The following NSG1 variants were observed in gnomAD, a reference collection of about 807,000 sequenced individuals.
NSG1 encodes neuronal vesicle trafficking associated 1.
Under a neutral mutation model 19.3 loss-of-function variants are expected in NSG1, and 9 were observed. That is an observed-to-expected ratio of 0.47 (90% CI 0.28 to 0.81). The LOEUF (loss-of-function observed/expected upper bound fraction) is 0.81, where lower values mean the gene tolerates loss of function less well. Among genes scored for constraint, NSG1 ranks in the 40% least tolerant of loss-of-function variants. The pLI is 0.11. For missense variants in NSG1, 236 were observed against 242.4 expected, an observed-to-expected ratio of 0.97 and a Z score of 0.18; for synonymous variants, 104 against 107.0, an observed-to-expected ratio of 0.97 and a Z score of 0.17.
chr4:4,402,061 T>C (rs1723576453), intron 3 of NSG1, among the ~76,000 whole-genome samples: 2 of 151,016 alleles, frequency 1.3e-5, no homozygotes, highest in African/African-American at 4.9e-5. Context: ...TTTTTTTTTT[T>C]TTTTTTTGGC....
At position 4,403,670 on chromosome 4, in the gene NSG1, C is replaced by T. The variant is rs1050771248; in HGVS notation, c.247-5903C>T. ...GAGTAGGACCTGGGTGTCTTTAGGG[C>T]CGTTATTCAGCCAACGACAGCCAGT... On this transcript the variant is annotated intron_variant, in intron 3 of 4. Coordinates refer to ENST00000621129, the MANE Select transcript of NSG1 (RefSeq NM_014392.5). Among the ~76,000 whole-genome samples, 3 of 152,164 alleles carry T rather than the reference C, an allele frequency of 2.0e-5. No individual in the cohort carries two copies. The East Asian group carries it at 5.8e-4, about 29-fold the overall frequency.
chr4:4,413,340 C>T (rs1049422554), intron 4 of NSG1, among the ~76,000 whole-genome samples: 7 of 151,646 alleles, frequency 4.6e-5, no homozygotes, highest in Admixed American at 2.6e-4. Context: ...AGGGAGCTTG[C>T]GGGTCTTGGG....
At chr4:4,403,077 G>A (rs1342774265) in intron 3 of NSG1, among the ~76,000 whole-genome samples, 2 of 152,230 alleles carry the variant, frequency 1.3e-5, no homozygotes, top group Non-Finnish European at 2.9e-5. Context: ...AGGAGATGGA[G>A]TATCTGCTGG....
At chr4:4,408,160 C>T (rs763605003) in intron 3 of NSG1, among the ~76,000 whole-genome samples, 1 of 152,134 alleles carries the variant, frequency 6.6e-6, no homozygotes, top group Non-Finnish European at 1.5e-5. Flanking sequence ...GGGCACTCTG[C>T]TGGAGGGTCT....
intron 3 of NSG1, among the ~76,000 whole-genome samples, chr4:4,408,823 C>T (rs1214819390): frequency 1.3e-5 from 2 of 152,182 alleles, no homozygotes; most frequent in Non-Finnish European, 2.9e-5. Flanking sequence ...TGAGTGCCTT[C>T]AAGGTCCAGG....
rs570543395 is a variant in NSG1, at chr4:4,412,505, G to A, written c.357+2822G>A. On this transcript the variant is annotated intron_variant, in intron 4 of 4. Coordinates refer to ENST00000621129, the MANE Select transcript of NSG1 (RefSeq NM_014392.5). ...CATCTAATGAGGGGGTGTCCTTTCC[G>A]GAGAAGGCACCTAGGAAGGCCAGGG... Among the ~76,000 whole-genome samples the A allele has an allele frequency of 1.2e-4, 18 of 151,928 alleles. No individual in the cohort carries two copies. The South Asian group carries it at 3.3e-3, about 28-fold the overall frequency.
intron 3 of NSG1, among the ~76,000 whole-genome samples, chr4:4,399,805 C>T (rs1477876067): frequency 6.6e-6 from 1 of 152,166 alleles, no homozygotes; most frequent in Non-Finnish European, 1.5e-5. Flanking sequence ...GCATTAGATC[C>T]TCATAAGGAG....
intron 3 of NSG1, among the ~76,000 whole-genome samples, chr4:4,398,842 T>G (rs188008677): frequency 9.8e-4 from 150 of 152,340 alleles, no homozygotes; most frequent in African/African-American, 3.4e-3. Context: ...AATTTGATAT[T>G]TAACGTATTG....
At chr4:4,398,846 C>T (rs922062303) in intron 3 of NSG1, among the ~76,000 whole-genome samples, 5 of 152,156 alleles carry the variant, frequency 3.3e-5, no homozygotes, top group African/African-American at 9.7e-5. Context: ...TGATATTTAA[C>T]GTATTGTGGA....
At chr4:4,413,349 G>C (rs1459225349) in intron 4 of NSG1, among the ~76,000 whole-genome samples, 2 of 151,638 alleles carry the variant, frequency 1.3e-5, no homozygotes, top group African/African-American at 4.8e-5. Context: ...GCGGGTCTTG[G>C]GGGAGTGTGC....
At chr4:4,416,231 TCC>T in intron 4 of NSG1, 5 of 701,816 alleles carry the variant, frequency 7.1e-6, no homozygotes, top group Admixed American at 2.0e-5. Context: ...CTCCAAAGCT[TCC>T]CTTCTCCTGT....
intron 3 of NSG1, among the ~76,000 whole-genome samples, chr4:4,406,147 C>T (rs1412636028): frequency 6.6e-6 from 1 of 152,180 alleles, no homozygotes; most frequent in Non-Finnish European, 1.5e-5. Flanking sequence ...CCTGCCTCAG[C>T]CTCCTGAGTA....
At chr4:4,395,642 C>A (rs1723214217) in intron 3 of NSG1, among the ~76,000 whole-genome samples, 2 of 152,056 alleles carry the variant, frequency 1.3e-5, no homozygotes, top group African/African-American at 4.8e-5. Context: ...GGCTTGTGTA[C>A]CCCCCTGCCA....
chr4:4,408,931 T>C (rs1724014859), intron 3 of NSG1, among the ~76,000 whole-genome samples: 2 of 152,236 alleles, frequency 1.3e-5, no homozygotes, highest in Admixed American at 1.3e-4. Flanking sequence ...AGTTCATCTG[T>C]AAACACCAGC....
chr4:4,390,848 G>A (rs570803621), intron 2 of NSG1, among the ~76,000 whole-genome samples: 21 of 152,070 alleles, frequency 1.4e-4, no homozygotes, highest in African/African-American at 4.8e-4. Context: ...TGGTTTCCAG[G>A]TTGGACAAAC....
chr4:4,396,745 C>T (rs1374292875), intron 3 of NSG1, among the ~76,000 whole-genome samples: 1 of 134,276 alleles, frequency 7.4e-6, no homozygotes, highest in East Asian at 2.0e-4. Flanking sequence ...CTTGAGCTTC[C>T]TGCGTGCGCA....
chr4:4,405,154 C>T (rs903281962), intron 3 of NSG1, among the ~76,000 whole-genome samples: 1 of 152,216 alleles, frequency 6.6e-6, no homozygotes. Flanking sequence ...AGACTCTGTC[C>T]TTGCCCCTCC....
At chr4:4,396,832 G>A (rs965754945) in intron 3 of NSG1, among the ~76,000 whole-genome samples, 1 of 151,778 alleles carries the variant, frequency 6.6e-6, no homozygotes, top group Admixed American at 6.6e-5. Context: ...GAGTGATGCC[G>A]TTTCCTTGGC....
At chr4:4,413,318 A>C (rs553679210) in intron 4 of NSG1, among the ~76,000 whole-genome samples, 15 of 151,808 alleles carry the variant, frequency 9.9e-5, no homozygotes, top group African/African-American at 3.4e-4. Flanking sequence ...GCGGGTCTCC[A>C]GGAGGTGAGC....
Sources: gnomAD v4.1 joint callset for allele counts (sites outside exome capture counted in the v4.1 genomes callset) on GRCh38, gnomAD v4.1.1 for gene constraint, MANE v1.5 for transcripts, NCBI Gene and HGNC (gene_info 2026-07-23, HGNC 2026-07-21) for gene names.